Variants in SEMA4D observed in about 807,000 individuals in gnomAD.
SEMA4D encodes the protein semaphorin-4D.
A neutral mutation model predicts 74.8 loss-of-function variants in SEMA4D; 22 were observed. The observed-to-expected ratio is 0.29, with a 90% CI of 0.21 to 0.42. The LOEUF is 0.42. Ranked by LOEUF, SEMA4D falls within the 10% of genes least tolerant of loss-of-function variation. The pLI is 1.00. For missense variants in SEMA4D, 937 were observed against 1,118.4 expected (o/e 0.84, Z 2.31); for synonymous variants, 445 against 463.7 (o/e 0.96, Z 0.52).
exon 19 of SEMA4D, chr9:89,361,399 G>A (rs7389229): frequency 0.14 from 20,934 of 152,236 alleles, 1,915 homozygotes; most frequent in Admixed American, 0.3. Context: ...AGAGGGGTGC[G>A]GCTTGACTTT....
At chr9:89,470,248 C>T (rs1382831458) in intron 1 of SEMA4D, among the ~76,000 whole-genome samples, 1 of 152,082 alleles carries the variant, frequency 6.6e-6, no homozygotes, top group African/African-American at 2.4e-5. Context: ...TGACAAAGAA[C>T]TTGTATTTAG....
chr9:89,418,971 C>CGGAAA (rs1175199286), intron 2 of SEMA4D: 6 of 93,210 alleles, frequency 6.4e-5, no homozygotes, highest in African/African-American at 1.9e-4. Context: ...TCTCCCTCCT[C>CGGAAA]TACAGGAGCC....
At chr9:89,437,504 C>G (rs1850712337) in intron 2 of SEMA4D, among the ~76,000 whole-genome samples, 1 of 152,218 alleles carries the variant, frequency 6.6e-6, no homozygotes, top group Non-Finnish European at 1.5e-5. Flanking sequence ...CCACCCAGCA[C>G]CAACCCTAGC....
At chr9:89,411,881 G>A (rs1844606038) in intron 2 of SEMA4D, among the ~76,000 whole-genome samples, 1 of 152,236 alleles carries the variant, frequency 6.6e-6, no homozygotes, top group Non-Finnish European at 1.5e-5. Flanking sequence ...AGTGGCACAG[G>A]ATTTAATGCA....
intron 16 of SEMA4D, chr9:89,368,590 G>C (rs1255680984): frequency 6.6e-6 from 1 of 152,350 alleles, no homozygotes; most frequent in Admixed American, 6.5e-5. Context: ...GAGTAGCCAG[G>C]GGCCCCAAGA....
At chr9:89,447,813 C>T (rs531743823) in intron 2 of SEMA4D, among the ~76,000 whole-genome samples, 3 of 151,880 alleles carry the variant, frequency 2.0e-5, no homozygotes, top group African/African-American at 7.2e-5. Flanking sequence ...TCCCTGGACA[C>T]CCAAGACTTG....
chr9:89,368,474 C>A (rs1834034435), intron 16 of SEMA4D: 1 of 152,818 alleles, frequency 6.5e-6, no homozygotes, highest in Non-Finnish European at 1.5e-5. Context: ...CATGGCCCCT[C>A]CTCCCTCCCA....
chr9:89,410,825 T>A (rs1315965103), intron 2 of SEMA4D, among the ~76,000 whole-genome samples: 1 of 152,056 alleles, frequency 6.6e-6, no homozygotes. Context: ...ACAAAGAAAT[T>A]ACCTCTGAGT....
Position 89,449,438 on chromosome 9 carries a change from C to T in SEMA4D, c.-244+6450G>A, listed in dbSNP as rs377003209. 44 of 600,402 alleles carry T rather than the reference C, an allele frequency of 7.3e-5. 1 individual carries two copies. The highest frequency in any genetic ancestry group is 5.7e-4 in the African/African-American group (31 of 54,088). The allele number at this position is 600,402 out of a possible 1,614,324, so 37.2% of individuals were successfully genotyped here. On this transcript the variant is annotated intron_variant, in intron 2 of 15. Coordinates refer to ENST00000422704, the MANE Select transcript of SEMA4D (RefSeq NM_001371194.2). ...AGAAGTCACGCTAAAAGACTAAGTT[C>T]GCGGCTTTCGCTGGCCCTCTCCTCG...
At chr9:89,476,038 C>T (rs539442467) in intron 1 of SEMA4D, among the ~76,000 whole-genome samples, 19 of 152,304 alleles carry the variant, frequency 1.2e-4, no homozygotes, top group Admixed American at 1.2e-3. Flanking sequence ...AAGCAACCTT[C>T]CTAAGAAGCA....
intron 2 of SEMA4D, among the ~76,000 whole-genome samples, chr9:89,450,945 C>G (rs148970485): frequency 7.9e-5 from 12 of 152,170 alleles, no homozygotes; most frequent in Non-Finnish European, 1.3e-4. Context: ...TCTTGGGAGG[C>G]GAGGCTTCCC....
intron 1 of SEMA4D, among the ~76,000 whole-genome samples, chr9:89,478,358 T>C (rs2136127310): frequency 6.6e-6 from 1 of 152,178 alleles, no homozygotes; most frequent in East Asian, 1.9e-4. Context: ...ACTGGAGCAA[T>C]GTGTCACAAG....
chr9:89,363,885 G>A lies in SEMA4D; in HGVS notation c.1948C>T (p.Gln650Ter). Reference sequence around the variant, plus strand: ...CTGCCATCGGGCAGTGCATGGGTCTGCACAGGGACACAGGTCTCCAGAGCT... The same window carrying A: ...CTGCCATCGGGCAGTGCATGGGTCTACACAGGGACACAGGTCTCCAGAGCT... The change falls in exon 17 of 19, where the codon CAG becomes TAG. Residue 650 changes from glutamine (Q) to a stop codon, truncating the protein, a stop_gained. Coordinates refer to the SEMA4D transcript ENST00000339861. LOFTEE classifies it high-confidence loss of function. The A allele has an allele frequency of 6.2e-7, 1 of 1,614,168 alleles. No individual in the cohort carries two copies. The highest frequency in any genetic ancestry group is 8.5e-7 in the Non-Finnish European group (1 of 1,180,054).
chr9:89,492,232 G>A lies in SEMA4D; in HGVS notation c.-310+5687C>T, dbSNP rs1298479291. Among the ~76,000 whole-genome samples, 2 of 151,992 alleles carry A rather than the reference G, an allele frequency of 1.3e-5. No individual in the cohort carries two copies. Among genetic ancestry groups the A allele is most frequent in the African/African-American group, 4.8e-5 (2 of 41,354 alleles). On this transcript the variant is annotated intron_variant, in intron 1 of 15. Transcript: ENST00000422704. This position sits in a 1 kb window ranked among gnomAD's most constrained non-coding sequence, Gnocchi z 4.3. ...CAGGTTGTCTTCGGTTCTCACCTTC[G>A]TGACCTCCGCTGTCACCCTCCCTCT...
At chr9:89,386,521 G>A (rs1838546960) in intron 12 of SEMA4D, 39 bp from the exon 13 acceptor site, 2 of 1,422,446 alleles carry the variant, frequency 1.4e-6, no homozygotes, top group Admixed American at 1.7e-5. Context: ...CACTAACCCA[G>A]ACACAGAAAC....
rs140873372 is a variant in SEMA4D at position 89,405,389 on chromosome 9, G to A, written c.68C>T (p.Ala23Val). The change falls in exon 3 of 16, where the codon GCA (alanine) becomes GTA (valine). Residue 23 changes from alanine (A) to valine (V), a missense_variant. Ala to Val is a moderately conservative substitution (Grantham distance 64). Transcript: ENST00000422704. ...GGTGATCCGGGGTATGGGTGCAAAT[G>A]CCATCGCTGTCCCAAACATCACTGC... ...ALAVMFGTAM[A>V]FAPIPRITWE... 4 of 1,613,976 alleles carry A rather than the reference G, an allele frequency of 2.5e-6. No homozygotes were observed. In the African/African-American group the frequency reaches 5.3e-5, roughly 22 times the overall value.
intron 11 of SEMA4D, among the ~76,000 whole-genome samples, 177 bp downstream of exon 11, chr9:89,388,459 C>T (rs986916827): frequency 6.6e-6 from 1 of 152,248 alleles, no homozygotes; most frequent in Non-Finnish European, 1.5e-5. Context: ...ATGGCTGTTA[C>T]GTAACATGCA....
At chr9:89,380,912 G>T in intron 15 of SEMA4D, 143 bp downstream of exon 15, 1 of 977,460 alleles carries the variant, frequency 1.0e-6, no homozygotes, top group Non-Finnish European at 1.6e-6. Context: ...AAGACCACGA[G>T]TCTGCTACAG....
chr9:89,376,511 G>T, downstream of SEMA4D: 1 of 253,782 alleles, frequency 3.9e-6, no homozygotes. Flanking sequence ...GTTGTGTATT[G>T]ACTATGGCTG....
Sources: allele counts gnomAD v4.1 joint callset (sites outside exome capture counted in the v4.1 genomes callset), GRCh38; gene constraint gnomAD v4.1.1; non-coding constraint Gnocchi (gnomAD v3.1); transcripts MANE v1.5; gene names NCBI Gene and HGNC (gene_info 2026-07-23, HGNC 2026-07-21).